The following SEMA5B variants were observed in gnomAD, a reference collection of about 807,000 sequenced individuals.
The protein encoded by SEMA5B is semaphorin-5B.
A neutral mutation model predicts 135.0 loss-of-function variants in SEMA5B; 66 were observed. That is an observed-to-expected ratio of 0.49 (90% CI 0.40 to 0.60). The LOEUF is 0.60. Ranked by LOEUF, SEMA5B falls within the 20% of genes least tolerant of loss-of-function variation. The pLI, the probability that SEMA5B is intolerant of heterozygous loss-of-function variation, is 0.00. For missense variants in SEMA5B, 1,501 were observed against 1,566.3 expected, an observed-to-expected ratio of 0.96 and a Z score of 0.70; for synonymous variants, 690 against 639.5, an observed-to-expected ratio of 1.08 and a Z score of -1.19.
intron 1 of SEMA5B, among the ~76,000 whole-genome samples, chr3:123,017,771 A>T (rs1942595292): frequency 6.6e-6 from 1 of 152,010 alleles, no homozygotes; most frequent in African/African-American, 2.4e-5. Context: ...AGCCAGATGC[A>T]GTGGCGGGTG....
intron 5 of SEMA5B, among the ~76,000 whole-genome samples, chr3:122,934,754 A>T (rs1939167953): frequency 6.6e-6 from 1 of 151,900 alleles, no homozygotes; most frequent in South Asian, 2.1e-4. Context: ...GGTGGCTTAT[A>T]CCTGTAATCC....
chr3:122,913,222 C>T lies in SEMA5B; in HGVS notation c.2483G>A (p.Gly828Asp). The T allele has an allele frequency of 6.3e-7, 1 of 1,577,128 alleles. No individual in the cohort carries two copies. The highest frequency in any genetic ancestry group is 8.5e-7 in the Non-Finnish European group (1 of 1,171,210). The change falls in exon 17 of 23, where the codon GGC becomes GAC. Residue 828 changes from glycine (G) to aspartate (D), a missense_variant. Around this residue, in one of 2 missense-constraint regions of SEMA5B, gnomAD observed 927 missense variants for 881.6 expected, o/e 1.05. Transcript: ENST00000357599. ...ACCGTCGGTGTCGCAGGAGCCGGAG[C>T]CGTCCGCGGGACAGGTCCTCGTCTC... The part of the protein sequence containing the change: ...RTETRTCPAD[G>D]SGSCDTDALV...
At position 122,975,853 on chromosome 3, in the gene SEMA5B, A is replaced by C; in HGVS notation, c.-38-14552T>G. On this transcript the variant is annotated intron_variant, in intron 1 of 22. Transcript: ENST00000357599. ...CCCCCACCAGCTCCCCACTGCCTACACAACCAAATCCAAACACCCTGCATA... is the reference window on the plus strand; with the variant it reads ...CCCCCACCAGCTCCCCACTGCCTACCCAACCAAATCCAAACACCCTGCATA... The C allele has an allele frequency of 2.7e-6, 3 of 1,101,762 alleles. No individual in the cohort carries two copies. The African/African-American group carries it at 4.8e-5, about 17-fold the overall frequency. The allele number at this position is 1,101,762 out of a possible 1,614,324, so 68.2% of individuals were successfully genotyped here. A position where few individuals can be genotyped will look rare whatever the true frequency, so the allele number is the denominator to read the frequency against.
At chr3:122,925,010 C>T (rs1458750523) in intron 9 of SEMA5B, among the ~76,000 whole-genome samples, 1 of 152,216 alleles carries the variant, frequency 6.6e-6, no homozygotes, top group African/African-American at 2.4e-5. Context: ...ATGGAGAAGG[C>T]ATGCAATCAA....
At chr3:123,025,402 C>A (rs1942775497) in intron 1 of SEMA5B, among the ~76,000 whole-genome samples, 1 of 152,198 alleles carries the variant, frequency 6.6e-6, no homozygotes, top group Non-Finnish European at 1.5e-5. Flanking sequence ...CAGGATCAAA[C>A]TGGTGAACTT....
chr3:122,942,007 GGAACCTCACCACTAGGT>G (rs1939585122), intron 4 of SEMA5B, among the ~76,000 whole-genome samples: 1 of 152,212 alleles, frequency 6.6e-6, no homozygotes, highest in African/African-American at 2.4e-5. Context: ...GGCACAGTCA[GGAACCTCACCACTAGGT>G]GAACCTTCAG....
Position 122,910,162 on chromosome 3 carries a change from C to G in SEMA5B, c.3437G>C (p.Arg1146Pro). ...SFRPEASPGQRCFPNS is the reference protein window; with the variant it reads ...SFRPEASPGQPCFPNS ...GCGGTATCAGCTGTTGGGGAAGCAC[C>G]GTTGTCCAGGTGAGGCCTCGGGCCG... Residue 1146 changes from arginine to proline, a missense_variant, in exon 23 of 23, where the codon CGG (arginine) becomes CCG (proline). By Grantham distance (103) the Arg-to-Pro change is moderately radical (BLOSUM62 -2). Transcript: ENST00000357599. 6.2e-7 allele frequency: 1 copy of G among 1,614,128 alleles called. No homozygotes were observed. Among genetic ancestry groups the G allele is most frequent in the Non-Finnish European group, 8.5e-7 (1 of 1,179,986 alleles).
At chr3:122,976,090 A>G in intron 1 of SEMA5B, 1 of 1,535,278 alleles carries the variant, frequency 6.5e-7, no homozygotes, top group South Asian at 1.2e-5. Context: ...ACCCTCACGC[A>G]GCCAATGGCT....
rs560651448 is a variant in SEMA5B at position 122,936,259 on chromosome 3, C to T, written c.474+3166G>A. On this transcript the variant is annotated intron_variant, in intron 5 of 22. Transcript: ENST00000357599. ...AGAGGAAGCAGGCGACACCCAGGGA[C>T]GTGGATCATCTCCATGAAAACTCAG... Among the ~76,000 whole-genome samples, 152 of 152,266 alleles carry T rather than the reference C, an allele frequency of 1.0e-3. 2 individuals are homozygous for T. Among genetic ancestry groups the T allele is most frequent in the Admixed American group, 1.1e-3 (17 of 15,292 alleles).
At chr3:122,968,641 T>A (rs1491000390) in intron 1 of SEMA5B, among the ~76,000 whole-genome samples, 1 of 152,182 alleles carries the variant, frequency 6.6e-6, no homozygotes. Flanking sequence ...GATCTTCCTA[T>A]GGTTAATAAT....
chr3:122,987,271 T>TC (rs915381526), intron 1 of SEMA5B, among the ~76,000 whole-genome samples: 2 of 151,798 alleles, frequency 1.3e-5, no homozygotes, highest in African/African-American at 2.4e-5. Flanking sequence ...TGCAGTCTTG[T>TC]CCCCCCCATA....
chr3:122,936,877 C>G (rs924885631), intron 5 of SEMA5B, among the ~76,000 whole-genome samples: 1 of 152,184 alleles, frequency 6.6e-6, no homozygotes, highest in Non-Finnish European at 1.5e-5. Context: ...GCTGGGCATT[C>G]GATTTTCTTT....
At chr3:122,973,442 G>A (rs767476704) in intron 1 of SEMA5B, among the ~76,000 whole-genome samples, 2 of 152,192 alleles carry the variant, frequency 1.3e-5, no homozygotes, top group African/African-American at 2.4e-5. Context: ...GCAGTGGAGG[G>A]TGCCGCAGTC....
chr3:122,999,149 C>T (rs992358757), intron 1 of SEMA5B, among the ~76,000 whole-genome samples: 8 of 152,220 alleles, frequency 5.3e-5, no homozygotes, highest in Admixed American at 2.6e-4. Flanking sequence ...CTTCTATCAT[C>T]TTTCATTTCC....
At chr3:122,959,366 T>C (rs1423476866) in intron 2 of SEMA5B, among the ~76,000 whole-genome samples, 1 of 152,186 alleles carries the variant, frequency 6.6e-6, no homozygotes, top group South Asian at 2.1e-4. Flanking sequence ...AGTCTGCCCC[T>C]TACTCAATGC....
At chr3:122,933,462 C>A (rs561952136) in intron 5 of SEMA5B, among the ~76,000 whole-genome samples, 151 of 151,862 alleles carry the variant, frequency 9.9e-4, no homozygotes, top group African/African-American at 3.4e-3. Context: ...TTCTTTTTTT[C>A]TTTAGGCTCT....
At chr3:122,946,746 C>T (rs1939807474) in intron 3 of SEMA5B, among the ~76,000 whole-genome samples, 1 of 152,260 alleles carries the variant, frequency 6.6e-6, no homozygotes, top group South Asian at 2.1e-4. Context: ...ACAGCATCCC[C>T]TTCTGTGCCT....
chr3:122,911,438 G>A (rs1469495370), intron 21 of SEMA5B, 53 bp downstream of exon 21: 1 of 1,583,098 alleles, frequency 6.3e-7, no homozygotes, highest in Non-Finnish European at 8.6e-7. Context: ...TTTGGAGTGG[G>A]GTGCCGGAGG....
At chr3:122,925,247 G>T (rs1249330691) in intron 9 of SEMA5B, among the ~76,000 whole-genome samples, 1 of 151,988 alleles carries the variant, frequency 6.6e-6, no homozygotes, top group Non-Finnish European at 1.5e-5. Flanking sequence ...CTTGGTCTCG[G>T]TGCCCACCCA....
Sources: gnomAD v4.1 joint callset for allele counts (sites outside exome capture counted in the v4.1 genomes callset) on GRCh38, gnomAD v4.1.1 for gene constraint, gnomAD v4.1.1 regional missense constraint, MANE v1.5 for transcripts, NCBI Gene and HGNC (gene_info 2026-07-23, HGNC 2026-07-21) for gene names.